Variants in CTNND2 observed in about 807,000 individuals in gnomAD.
CTNND2 encodes the protein catenin delta 2.
CTNND2 carries 22 observed loss-of-function variants against 144.4 expected under a neutral mutation model. The ratio of observed to expected loss-of-function variants is 0.15; its 90% CI spans 0.11 to 0.22. The LOEUF (loss-of-function observed/expected upper bound fraction) is 0.22, where lower values mean the gene tolerates loss of function less well. Among genes scored for constraint, CTNND2 ranks in the 10% least tolerant of loss-of-function variants. CTNND2 has a pLI of 1.00. For synonymous variants in CTNND2, 751 were observed against 695.6 expected (o/e 1.08, Z -1.25); for missense variants, 1,353 against 1,618.8 (o/e 0.84, Z 2.82).
At chr5:11,107,092 C>T (rs1752497362) in intron 14 of CTNND2, among the ~76,000 whole-genome samples, 1 of 152,160 alleles carries the variant, frequency 6.6e-6, no homozygotes, top group South Asian at 2.1e-4. Context: ...ATTTTGCTGT[C>T]TGATATGGCC....
At chr5:11,664,383 G>C (rs1308510446) in intron 2 of CTNND2, among the ~76,000 whole-genome samples, 2 of 152,134 alleles carry the variant, frequency 1.3e-5, no homozygotes, top group Non-Finnish European at 2.9e-5. Context: ...ACGAGGTCAG[G>C]AGATTGAGAC....
chr5:11,199,437 A>G lies in CTNND2; in HGVS notation c.1975+11T>C. On this transcript the variant is annotated intron_variant, in intron 11 of 21. Coordinates refer to ENST00000304623, the MANE Select transcript of CTNND2 (RefSeq NM_001332.4). ...TGAGATATAATATAATAATTTAATAATGATTCTAACCTGTGACCAGCTCCC... is the reference window on the plus strand; with the variant it reads ...TGAGATATAATATAATAATTTAATAGTGATTCTAACCTGTGACCAGCTCCC... 6.2e-7 allele frequency: 1 copy of G among 1,608,696 alleles called. No homozygotes were observed. Among genetic ancestry groups the G allele is most frequent in the Non-Finnish European group, 8.5e-7 (1 of 1,175,896 alleles).
chr5:11,697,635 C>CT (rs1352116006), intron 2 of CTNND2, among the ~76,000 whole-genome samples: 1 of 152,126 alleles, frequency 6.6e-6, no homozygotes, highest in Admixed American at 6.6e-5. Context: ...GATGAGGAAA[C>CT]TGAGGGACAG....
At chr5:11,184,417 G>A (rs957724641) in intron 11 of CTNND2, among the ~76,000 whole-genome samples, 1 of 152,030 alleles carries the variant, frequency 6.6e-6, no homozygotes, top group Non-Finnish European at 1.5e-5. Flanking sequence ...AAACAGAATT[G>A]CACTTATGAA....
intron 3 of CTNND2, among the ~76,000 whole-genome samples, chr5:11,412,488 T>A (rs1761621875): frequency 6.6e-6 from 1 of 152,164 alleles, no homozygotes; most frequent in Non-Finnish European, 1.5e-5. Context: ...AATAAATCTT[T>A]GCCTCCATTT....
chr5:11,576,929 T>C (rs1383750400), intron 2 of CTNND2, among the ~76,000 whole-genome samples: 1 of 152,098 alleles, frequency 6.6e-6, no homozygotes, highest in Non-Finnish European at 1.5e-5. Flanking sequence ...GAAATCAAAA[T>C]TTGCCCCCAA....
chr5:11,834,126 T>C (rs1014261599), intron 1 of CTNND2, among the ~76,000 whole-genome samples: 1 of 151,998 alleles, frequency 6.6e-6, no homozygotes, highest in African/African-American at 2.4e-5. Flanking sequence ...AAACAGAACC[T>C]TGGGGAAATA....
rs548161340 is a variant in CTNND2, at chr5:11,903,920, G to A, written c.-67C>T. ...GTGCGCGGCGCCGCCCGGCTTCAGG[G>A]CAAGGTCCTGACCTTGCCCAACTGC... On this transcript the variant is annotated 5_prime_UTR_variant, in exon 1 of 22. Transcript: ENST00000304623. The surrounding 1 kb of genome is among the most constrained non-coding windows in gnomAD (Gnocchi z 5.4). 5 of 1,388,610 alleles carry A rather than the reference G, an allele frequency of 3.6e-6. No homozygotes were observed. The African/African-American group carries it at 6.1e-5, about 17-fold the overall frequency. 86.0% of individuals were successfully genotyped at this position (1,388,610 alleles called of 1,614,324 possible). A position where few individuals can be genotyped will look rare whatever the true frequency, so the allele number is the denominator to read the frequency against.
chr5:11,582,681 A>T (rs1778526909), intron 2 of CTNND2, among the ~76,000 whole-genome samples: 1 of 152,236 alleles, frequency 6.6e-6, no homozygotes, highest in Admixed American at 6.5e-5. Flanking sequence ...AGAAATATTC[A>T]GTCCTAATCT....
chr5:11,223,484 C>T (rs912568735), intron 10 of CTNND2, among the ~76,000 whole-genome samples: 1 of 151,894 alleles, frequency 6.6e-6, no homozygotes, highest in Non-Finnish European at 1.5e-5. Flanking sequence ...CCCAGTGTAG[C>T]TTCCTTTCCT....
chr5:11,159,982 T>G (rs983056573), intron 11 of CTNND2, among the ~76,000 whole-genome samples: 2 of 152,218 alleles, frequency 1.3e-5, no homozygotes, highest in African/African-American at 4.8e-5. Flanking sequence ...ATGATTATCT[T>G]TATTTCCTCA....
chr5:11,125,998 T>C (rs1754634802), intron 12 of CTNND2, among the ~76,000 whole-genome samples: 2 of 152,206 alleles, frequency 1.3e-5, no homozygotes, highest in Admixed American at 6.5e-5. Context: ...TGACTTTTGG[T>C]ATCTCATGGT....
intron 2 of CTNND2, among the ~76,000 whole-genome samples, chr5:11,698,984 T>C (rs1171961180): frequency 6.7e-6 from 1 of 150,268 alleles, no homozygotes; most frequent in African/African-American, 2.4e-5. Context: ...ATTAAAACAT[T>C]AAAATATTAC....
intron 2 of CTNND2, among the ~76,000 whole-genome samples, chr5:11,695,979 C>T (rs956422257): frequency 1.3e-5 from 2 of 152,108 alleles, no homozygotes; most frequent in Non-Finnish European, 2.9e-5. Context: ...TAAACATTTG[C>T]CACTTTTATT....
intron 1 of CTNND2, among the ~76,000 whole-genome samples, chr5:11,840,632 A>T (rs1794417497): frequency 6.6e-6 from 1 of 152,206 alleles, no homozygotes; most frequent in Non-Finnish European, 1.5e-5. Context: ...GTATCACTTC[A>T]TGCTATTTAA....
chr5:11,774,864 A>T (rs1790164060), intron 1 of CTNND2, among the ~76,000 whole-genome samples: 1 of 152,178 alleles, frequency 6.6e-6, no homozygotes, highest in South Asian at 2.1e-4. Context: ...TGGAAGACAC[A>T]TCCTTAACAA....
intron 10 of CTNND2, among the ~76,000 whole-genome samples, chr5:11,209,772 A>G (rs1561025616): frequency 6.6e-6 from 1 of 152,052 alleles, no homozygotes; most frequent in Non-Finnish European, 1.5e-5. Flanking sequence ...AATACAAAAA[A>G]TTAGCCGGGC....
intron 7 of CTNND2, among the ~76,000 whole-genome samples, chr5:11,381,501 T>C (rs1394303052): frequency 6.6e-6 from 1 of 152,212 alleles, no homozygotes; most frequent in Non-Finnish European, 1.5e-5. Context: ...TCAGCAAACA[T>C]ATCAGACACA....
chr5:11,576,220 A>C (rs1480348583), intron 2 of CTNND2, among the ~76,000 whole-genome samples: 1 of 152,110 alleles, frequency 6.6e-6, no homozygotes, highest in African/African-American at 2.4e-5. Context: ...CCCTGTTCAT[A>C]CTTGCTTTCA....
Sources: gnomAD v4.1 joint callset for allele counts (sites outside exome capture counted in the v4.1 genomes callset) on GRCh38, gnomAD v4.1.1 for gene constraint, Gnocchi (gnomAD v3.1) non-coding constraint, MANE v1.5 for transcripts, NCBI Gene and HGNC (gene_info 2026-07-23, HGNC 2026-07-21) for gene names.